Variants in SYN3 observed in about 807,000 individuals in gnomAD.
SYN3 encodes the protein synapsin-3.
SYN3 carries 35 observed loss-of-function variants against 65.8 expected under a neutral mutation model. The ratio of observed to expected loss-of-function variants is 0.53; its 90% CI spans 0.41 to 0.70. The LOEUF (loss-of-function observed/expected upper bound fraction) is 0.70. Among genes scored for constraint, SYN3 ranks in the 30% least tolerant of loss-of-function variants. The pLI is 0.00. For synonymous variants in SYN3, 270 were observed against 292.9 expected (o/e 0.92, Z 0.80); for missense variants, 680 against 749.0 (o/e 0.91, Z 1.08).
At chr22:32,689,620 T>C (rs1193716829) in intron 6 of SYN3, among the ~76,000 whole-genome samples, 7 of 152,174 alleles carry the variant, frequency 4.6e-5, no homozygotes, top group Non-Finnish European at 1.0e-4. Context: ...CTTCTCTTTA[T>C]TGGGCACCGA....
chr22:32,515,365 A>G (rs1237263883), intron 13 of SYN3, among the ~76,000 whole-genome samples: 1 of 152,160 alleles, frequency 6.6e-6, no homozygotes, highest in African/African-American at 2.4e-5. Context: ...ACTCATTGCA[A>G]TCCTTATAAT....
chr22:32,523,308 C>T (rs937216766), intron 12 of SYN3, among the ~76,000 whole-genome samples: 6 of 152,234 alleles, frequency 3.9e-5, no homozygotes, highest in Non-Finnish European at 7.4e-5. Context: ...GTCAGCAGAT[C>T]GAGACCATCA....
chr22:32,549,781 T>C (rs1247697690), intron 7 of SYN3, among the ~76,000 whole-genome samples: 2 of 151,690 alleles, frequency 1.3e-5, no homozygotes, highest in East Asian at 3.9e-4. Context: ...CACCTGTACT[T>C]GGAAGGCTGA....
intron 6 of SYN3, among the ~76,000 whole-genome samples, chr22:32,807,355 A>AATATATAAAT (rs1555968073): frequency 5.0e-5 from 1 of 19,912 alleles, no homozygotes; most frequent in African/African-American, 1.5e-4. Flanking sequence ...ATAAATATAT[A>AATATATAAAT]ATATATAATA....
At position 32,512,829 on chromosome 22, in the gene SYN3, T is replaced by C. The variant is rs1012540221; in HGVS notation, c.*863A>G. 2.0e-5 allele frequency: 3 copies of C among 152,206 alleles called. No homozygotes were observed. The highest frequency in any genetic ancestry group is 2.9e-5 in the Non-Finnish European group (2 of 68,034). 9.4% of individuals were successfully genotyped at this position (152,206 alleles called of 1,614,324 possible). Reference sequence around the variant, plus strand: ...ACAGATCCATAAAAAGGAAACGGCATTCCTGGTGGGAGGCCAGAGAGATCA... The same window carrying C: ...ACAGATCCATAAAAAGGAAACGGCACTCCTGGTGGGAGGCCAGAGAGATCA... On this transcript the variant is annotated 3_prime_UTR_variant, in exon 14 of 14. Transcript: ENST00000358763.
intron 7 of SYN3, among the ~76,000 whole-genome samples, chr22:32,548,482 C>A (rs2058365393): frequency 6.6e-6 from 1 of 152,188 alleles, no homozygotes; most frequent in Admixed American, 6.5e-5. Flanking sequence ...AAACGATTCT[C>A]CTGCCTCAGC....
intron 6 of SYN3, among the ~76,000 whole-genome samples, chr22:32,667,000 A>G (rs1356125290): frequency 7.9e-5 from 12 of 152,328 alleles, no homozygotes; most frequent in African/African-American, 2.6e-4. Flanking sequence ...GGTCTGGTTG[A>G]AAAGTGATCT....
intron 6 of SYN3, among the ~76,000 whole-genome samples, chr22:32,715,680 T>C (rs960084855): frequency 1.4e-5 from 2 of 147,666 alleles, no homozygotes; most frequent in African/African-American, 5.1e-5. Context: ...CTCGGGAGGC[T>C]GAGGCAGAGA....
intron 7 of SYN3, among the ~76,000 whole-genome samples, chr22:32,583,606 C>T (rs896010948): frequency 1.3e-5 from 2 of 152,240 alleles, no homozygotes; most frequent in African/African-American, 2.4e-5. Flanking sequence ...CATTTCTCCT[C>T]TTTGATCTCT....
chr22:32,785,055 ACTTTT>A (rs2046157429), intron 6 of SYN3: 1 of 151,568 alleles, frequency 6.6e-6, no homozygotes, highest in African/African-American at 2.4e-5. Context: ...CTCTTTTGTT[ACTTTT>A]CTTTATTGAA....
intron 6 of SYN3, among the ~76,000 whole-genome samples, chr22:32,661,934 G>A (rs962553595): frequency 1.3e-5 from 2 of 152,186 alleles, no homozygotes; most frequent in Non-Finnish European, 2.9e-5. Context: ...GTCAGGAAAT[G>A]TAGTTTGACA....
chr22:32,525,523 C>T (rs1040709305), intron 12 of SYN3, among the ~76,000 whole-genome samples: 2 of 151,888 alleles, frequency 1.3e-5, no homozygotes, highest in African/African-American at 2.4e-5. Flanking sequence ...CTGGCAAACA[C>T]GGTGAAACCC....
intron 6 of SYN3, among the ~76,000 whole-genome samples, chr22:32,836,724 G>C (rs931294654): frequency 2.4e-4 from 36 of 152,148 alleles, no homozygotes; most frequent in African/African-American, 7.5e-4. Context: ...GCAGCAGGTG[G>C]GCCTTCCAAA....
At chr22:32,929,450 T>C (rs1030085254) in intron 4 of SYN3, among the ~76,000 whole-genome samples, 1 of 152,222 alleles carries the variant, frequency 6.6e-6, no homozygotes, top group African/African-American at 2.4e-5. Context: ...CCATTGTCTA[T>C]TGTTCCTGTT....
At chr22:32,714,725 A>C (rs2061012784) in intron 6 of SYN3, among the ~76,000 whole-genome samples, 1 of 152,198 alleles carries the variant, frequency 6.6e-6, no homozygotes, top group South Asian at 2.1e-4. Context: ...ATAATCTCTG[A>C]TTAAGATAGG....
intron 1 of SYN3, among the ~76,000 whole-genome samples, chr22:33,007,217 A>G (rs1037350591): frequency 9.8e-5 from 15 of 152,338 alleles, no homozygotes; most frequent in African/African-American, 3.6e-4. Context: ...AACAGAAACA[A>G]TTTCATGTTC....
intron 6 of SYN3, among the ~76,000 whole-genome samples, chr22:32,609,301 G>A (rs141965257): frequency 2.0e-5 from 3 of 151,952 alleles, no homozygotes; most frequent in African/African-American, 4.8e-5. Context: ...CAGCCTGGGC[G>A]ACAGAGTGAG....
chr22:32,579,277 T>G (rs1220976390), intron 7 of SYN3, among the ~76,000 whole-genome samples: 1 of 152,264 alleles, frequency 6.6e-6, no homozygotes, highest in Non-Finnish European at 1.5e-5. Context: ...TTAGTCTGTC[T>G]GGGCTGCCAT....
chr22:32,564,937 TACCCAAACAGTGCTCCTG>T, intron 7 of SYN3, among the ~76,000 whole-genome samples: 1 of 98,898 alleles, frequency 1.0e-5, no homozygotes, highest in African/African-American at 4.0e-5. Context: ...TCCCGGATTG[TACCCAAACAGTGCTCCTG>T]GACTGCACCC....
Sources: gnomAD v4.1 joint callset for allele counts (sites outside exome capture counted in the v4.1 genomes callset) on GRCh38, gnomAD v4.1.1 for gene constraint, MANE v1.5 for transcripts, NCBI Gene and HGNC (gene_info 2026-07-23, HGNC 2026-07-21) for gene names.